RYR2: variants seen among roughly 807,000 people sequenced by gnomAD.
The protein encoded by RYR2 is ryanodine receptor 2.
In RYR2, 227 loss-of-function variants were observed where a neutral mutation model predicts 601.1. That is an observed-to-expected ratio of 0.38 (90% CI 0.34 to 0.42). The LOEUF (loss-of-function observed/expected upper bound fraction) is 0.42. Among genes scored for constraint, RYR2 ranks in the 10% least tolerant of loss-of-function variants. RYR2 has a pLI of 1.00. For synonymous variants in RYR2, 2,223 were observed against 2,175.1 expected, an observed-to-expected ratio of 1.02 and a Z score of -0.61; for missense variants, 4,646 against 6,156.5, an observed-to-expected ratio of 0.75 and a Z score of 8.21.
intron 32 of RYR2, 89 bp downstream of exon 32, chr1:237,591,942 A>G: frequency 3.3e-6 from 3 of 895,874 alleles, no homozygotes; most frequent in Non-Finnish European, 5.1e-6. Context: ...CATCATACTT[A>G]GTAACATTAT....
At chr1:237,499,774 A>G (rs1664438901) in intron 20 of RYR2, among the ~76,000 whole-genome samples, 1 of 152,230 alleles carries the variant, frequency 6.6e-6, no homozygotes, top group African/African-American at 2.4e-5. Context: ...AAAAATACAA[A>G]GCATGTATCA....
At chr1:237,657,678 ATTG>A (rs966647610) in intron 53 of RYR2, among the ~76,000 whole-genome samples, 13 of 151,348 alleles carry the variant, frequency 8.6e-5, no homozygotes, top group East Asian at 5.8e-4. Flanking sequence ...TTTAATAATA[ATTG>A]TTATTATAGT....
At chr1:237,528,046 G>A (rs1667762524) in intron 24 of RYR2, among the ~76,000 whole-genome samples, 1 of 152,082 alleles carries the variant, frequency 6.6e-6, no homozygotes, top group Admixed American at 6.6e-5. Context: ...ACACTGTAGT[G>A]CTTTTGTTCA....
intron 3 of RYR2, among the ~76,000 whole-genome samples, chr1:237,340,819 G>A (rs1697705538): frequency 6.6e-6 from 1 of 152,274 alleles, no homozygotes; most frequent in South Asian, 2.1e-4. Flanking sequence ...ATGCAGTGAT[G>A]TAATGGTGAA....
chr1:237,396,420 T>G (rs1702864429), intron 10 of RYR2, among the ~76,000 whole-genome samples: 1 of 152,240 alleles, frequency 6.6e-6, no homozygotes, highest in African/African-American at 2.4e-5. Flanking sequence ...TGTGGATATC[T>G]TTGAGAATCT....
At chr1:237,120,352 G>A (rs1670637714) in intron 1 of RYR2, among the ~76,000 whole-genome samples, 1 of 152,116 alleles carries the variant, frequency 6.6e-6, no homozygotes, top group South Asian at 2.1e-4. Flanking sequence ...AACAATTCTG[G>A]ACTATTTAGC....
At chr1:237,332,880 C>T (rs1696884717) in intron 3 of RYR2, among the ~76,000 whole-genome samples, 1 of 152,080 alleles carries the variant, frequency 6.6e-6, no homozygotes, top group Non-Finnish European at 1.5e-5. Context: ...TGGGGTCTTG[C>T]TATATGGCCC....
chr1:237,634,055 T>C (rs905264137), intron 43 of RYR2, among the ~76,000 whole-genome samples: 2 of 152,150 alleles, frequency 1.3e-5, no homozygotes, highest in African/African-American at 4.8e-5. Context: ...AGGAGATTCC[T>C]CAAAAAATTA....
chr1:237,112,134 G>A (rs773729175), intron 1 of RYR2, among the ~76,000 whole-genome samples: 12 of 152,122 alleles, frequency 7.9e-5, no homozygotes, highest in Non-Finnish European at 1.8e-4. Context: ...GTTTGTTTGA[G>A]ATGGAGTTTT....
At chr1:237,790,444 T>G (rs533887623) in intron 92 of RYR2, among the ~76,000 whole-genome samples, 1 of 152,312 alleles carries the variant, frequency 6.6e-6, no homozygotes, top group Non-Finnish European at 1.5e-5. Flanking sequence ...TTGCTTTCAC[T>G]GTTGTTCCAC....
chr1:237,677,100 A>G (rs1321740430), intron 60 of RYR2, among the ~76,000 whole-genome samples: 2 of 152,136 alleles, frequency 1.3e-5, no homozygotes, highest in East Asian at 3.9e-4. Context: ...TAAGTTTCCT[A>G]TAAATTATAT....
rs1362395698 is a variant in RYR2 at position 237,378,204 on chromosome 1, G to A, written c.576+769G>A. On this transcript the variant is annotated intron_variant, in intron 8 of 104. Transcript: ENST00000366574. ...TATCATGAGAACATGGGAAAGACTT[G>A]ACCCCCATTATTTAATTACCTCCCA... 2.0e-5 allele frequency among the ~76,000 whole-genome samples: 3 copies of A among 152,078 alleles called. No homozygotes were observed. In the East Asian group the frequency reaches 5.8e-4, roughly 29 times the overall value.
chr1:237,508,827 C>G (rs1004022948), intron 23 of RYR2, among the ~76,000 whole-genome samples: 1 of 147,006 alleles, frequency 6.8e-6, no homozygotes, highest in Non-Finnish European at 1.5e-5. Context: ...ACTGCAAGCT[C>G]CGCCTCCCGG....
rs1694778157 is a variant in RYR2 at position 237,313,447 on chromosome 1, G to A, written c.169-17431G>A. On this transcript the variant is annotated intron_variant, in intron 2 of 104. Transcript: ENST00000366574. ...CAGAAGAGGAGAAGGAGATGTAATGGCTGAAGTAAAGGTTGGAGTGATGCA... is the reference window on the plus strand; with the variant it reads ...CAGAAGAGGAGAAGGAGATGTAATGACTGAAGTAAAGGTTGGAGTGATGCA... Among the ~76,000 whole-genome samples, 4 of 152,260 alleles carry A rather than the reference G, an allele frequency of 2.6e-5. No individual in the cohort carries two copies. The South Asian group carries it at 8.3e-4, about 32-fold the overall frequency.
At chr1:237,565,641 TC>T (rs1671988553) in intron 27 of RYR2, among the ~76,000 whole-genome samples, 1 of 152,146 alleles carries the variant, frequency 6.6e-6, no homozygotes, top group African/African-American at 2.4e-5. Context: ...GCTCCCAAGT[TC>T]CACCATTTTT....
intron 17 of RYR2, among the ~76,000 whole-genome samples, chr1:237,479,300 A>C (rs1558888997): frequency 6.6e-6 from 1 of 152,146 alleles, no homozygotes; most frequent in Non-Finnish European, 1.5e-5. Context: ...GCCCTATCTA[A>C]AATTGTGCTT....
rs192509419 is a variant in RYR2, at chr1:237,587,432, T to G, written c.3599-2361T>G. 6.5e-3 allele frequency among the ~76,000 whole-genome samples: 988 copies of G among 152,284 alleles called. 10 individuals are homozygous for G. Among genetic ancestry groups the G allele is most frequent in the Non-Finnish European group, 0.011 (731 of 68,012 alleles). ...ATACATTGAAGAAAATTTGTTAAATTGGGAGCCATAGAGAACAAAATTACC... is the reference window on the plus strand; with the variant it reads ...ATACATTGAAGAAAATTTGTTAAATGGGGAGCCATAGAGAACAAAATTACC... On this transcript the variant is annotated intron_variant, in intron 29 of 104. Transcript: ENST00000366574.
intron 35 of RYR2, among the ~76,000 whole-genome samples, chr1:237,604,411 A>G (rs1386516160): frequency 6.6e-6 from 1 of 152,182 alleles, no homozygotes; most frequent in East Asian, 1.9e-4. Flanking sequence ...TCTCTGGGAC[A>G]CATTTAAAGC....
intron 1 of RYR2, among the ~76,000 whole-genome samples, chr1:237,066,787 G>T (rs943933272): frequency 2.0e-5 from 3 of 151,812 alleles, no homozygotes; most frequent in Admixed American, 2.0e-4. Context: ...GACTGCAGGC[G>T]CCCACCACCA....
Sources: gnomAD v4.1 joint callset for allele counts (sites outside exome capture counted in the v4.1 genomes callset) on GRCh38, gnomAD v4.1.1 for gene constraint, MANE v1.5 for transcripts, NCBI Gene and HGNC (gene_info 2026-07-23, HGNC 2026-07-21) for gene names.